Variants in C14orf132 observed in about 807,000 individuals in gnomAD.
The protein encoded by C14orf132 is chromosome 14 open reading frame 132.
Under a neutral mutation model 5.8 loss-of-function variants are expected in C14orf132, and 6 were observed. That is an observed-to-expected ratio of 1.03 (90% CI 0.57 to 2.04). C14orf132 has a LOEUF of 2.04. Among genes scored for constraint, C14orf132 ranks in the 30% most tolerant of loss-of-function variants. C14orf132 has a pLI of 0.00. For synonymous variants in C14orf132, 51 were observed against 49.8 expected (o/e 1.02, Z -0.10); for missense variants, 125 against 115.8 (o/e 1.08, Z -0.37).
Position 96,039,602 on chromosome 14 carries a change from C to A in C14orf132, c.27+75C>A. On this transcript the variant is annotated intron_variant, in intron 1 of 1. Transcript: ENST00000555004. This position sits in a 1 kb window ranked among gnomAD's most constrained non-coding sequence, Gnocchi z 5.3. ...TTCGGGGCCACGGTCTCGCCCTCCA[C>A]GCTGGGGCTGGGCAGTGGCGCCCGC... 1 of 1,409,274 alleles carries A rather than the reference C, an allele frequency of 7.1e-7. No individual in the cohort carries two copies. 87.3% of individuals were successfully genotyped at this position (1,409,274 alleles called of 1,614,324 possible).
chr14:96,040,162 C>A, intron 1 of C14orf132: 1 of 144,110 alleles, frequency 6.9e-6, no homozygotes, highest in South Asian at 2.4e-4. Context: ...AACAGGCTCC[C>A]AGTGGCCGGA....
chr14:96,076,788 T>C (rs1303174151), intron 1 of C14orf132, among the ~76,000 whole-genome samples: 5 of 152,240 alleles, frequency 3.3e-5, no homozygotes, highest in African/African-American at 4.8e-5. Flanking sequence ...ATTAGTACTA[T>C]AAATTTTTCT....
chr14:96,058,499 A>G (rs1340765782), intron 1 of C14orf132, among the ~76,000 whole-genome samples: 1 of 151,940 alleles, frequency 6.6e-6, no homozygotes, highest in Non-Finnish European at 1.5e-5. Context: ...ATCTTGAAAG[A>G]CTCCAATCCT....
intron 1 of C14orf132, among the ~76,000 whole-genome samples, chr14:96,062,245 G>A (rs1476030535): frequency 6.6e-6 from 1 of 152,082 alleles, no homozygotes; most frequent in African/African-American, 2.4e-5. Flanking sequence ...CTAGGGTGTT[G>A]AACCACAGGT....
At chr14:96,060,526 T>C (rs904727108) in intron 1 of C14orf132, among the ~76,000 whole-genome samples, 1 of 152,204 alleles carries the variant, frequency 6.6e-6, no homozygotes, top group Non-Finnish European at 1.5e-5. Context: ...GCAGATTTTT[T>C]ATCCTCTGCA....
At chr14:96,058,612 TG>T (rs1482457956) in intron 1 of C14orf132, among the ~76,000 whole-genome samples, 16 of 152,218 alleles carry the variant, frequency 1.1e-4, no homozygotes, top group Admixed American at 3.3e-4. Flanking sequence ...CACTCAGGCA[TG>T]TTGGGAAGAT....
chr14:96,068,102 C>T (rs1887586681), intron 1 of C14orf132, among the ~76,000 whole-genome samples: 1 of 152,162 alleles, frequency 6.6e-6, no homozygotes, highest in South Asian at 2.1e-4. Flanking sequence ...AGCATGGAAA[C>T]ATTAGTCAAG....
intron 1 of C14orf132, among the ~76,000 whole-genome samples, chr14:96,075,085 C>T (rs1380857481): frequency 6.6e-6 from 1 of 152,118 alleles, no homozygotes; most frequent in African/African-American, 2.4e-5. Context: ...ATCTTCTTTG[C>T]TATTTCATCA....
At chr14:96,059,301 G>A (rs947516995) in intron 1 of C14orf132, among the ~76,000 whole-genome samples, 1 of 152,106 alleles carries the variant, frequency 6.6e-6, no homozygotes, top group East Asian at 1.9e-4. Flanking sequence ...AAAACAAAAT[G>A]AAAAACCTGC....
intron 1 of C14orf132, among the ~76,000 whole-genome samples, chr14:96,069,511 T>A (rs998522646): frequency 2.0e-5 from 3 of 152,048 alleles, no homozygotes; most frequent in Non-Finnish European, 4.4e-5. Context: ...CACCTCCCTG[T>A]GAGGCACACC....
At chr14:96,071,201 T>G (rs1887697764) in intron 1 of C14orf132, among the ~76,000 whole-genome samples, 3 of 152,020 alleles carry the variant, frequency 2.0e-5, no homozygotes, top group Non-Finnish European at 4.4e-5. Context: ...GAAGGAGACG[T>G]GCTGAGCAAA....
intron 1 of C14orf132, among the ~76,000 whole-genome samples, chr14:96,086,225 G>T (rs2139685033): frequency 6.6e-6 from 1 of 152,284 alleles, no homozygotes; most frequent in Admixed American, 6.5e-5. Context: ...ATGGCTGGAG[G>T]GGTTGCTGTG....
At chr14:96,063,755 A>C (rs543074855) in intron 1 of C14orf132, among the ~76,000 whole-genome samples, 2 of 152,322 alleles carry the variant, frequency 1.3e-5, no homozygotes, top group East Asian at 3.9e-4. Flanking sequence ...TTTGCACGGC[A>C]AAAGGAACAG....
chr14:96,069,655 C>T (rs1337487410), intron 1 of C14orf132, among the ~76,000 whole-genome samples: 2 of 152,084 alleles, frequency 1.3e-5, no homozygotes, highest in Non-Finnish European at 1.5e-5. Flanking sequence ...TTCAAAGGCC[C>T]AGGACTCAGA....
In C14orf132 at chr14:96,085,054, C is replaced by G. The variant is rs151314863; in HGVS notation, c.28-1457C>G. On this transcript the variant is annotated intron_variant, in intron 1 of 1. Transcript: ENST00000555004. ...GCAGAGCCGGGAGTGCCTGGGCTCACAGTCAGACACTCGTGGCACTCAACC... is the reference window on the plus strand; with the variant it reads ...GCAGAGCCGGGAGTGCCTGGGCTCAGAGTCAGACACTCGTGGCACTCAACC... Among the ~76,000 whole-genome samples, 1,085 of 152,334 alleles carry G rather than the reference C, an allele frequency of 7.1e-3. 6 individuals are homozygous for G. The highest frequency in any genetic ancestry group is 0.011 in the Admixed American group (173 of 15,304).
chr14:96,041,706 T>C (rs1487862766), intron 1 of C14orf132, among the ~76,000 whole-genome samples: 2 of 152,266 alleles, frequency 1.3e-5, no homozygotes, highest in African/African-American at 4.8e-5. Flanking sequence ...ACTGTCTCTC[T>C]GTGCAGTCTT....
chr14:96,060,965 T>C lies in C14orf132; in HGVS notation c.27+21438T>C, dbSNP rs1461381163. Among the ~76,000 whole-genome samples the C allele has an allele frequency of 2.0e-5, 3 of 152,160 alleles. No individual in the cohort carries two copies. In the East Asian group the frequency reaches 5.8e-4, roughly 29 times the overall value. Reference sequence around the variant, plus strand: ...GGAAGGAAAACAGTAAGCTCATAATTCTCAAGTTTGAAAAAGTCCTTCCCA... The same window carrying C: ...GGAAGGAAAACAGTAAGCTCATAATCCTCAAGTTTGAAAAAGTCCTTCCCA... On this transcript the variant is annotated intron_variant, in intron 1 of 1. Coordinates refer to ENST00000555004, the MANE Select transcript of C14orf132 (RefSeq NM_001252507.3).
At chr14:96,052,506 T>C (rs918814891) in intron 1 of C14orf132, among the ~76,000 whole-genome samples, 1 of 152,254 alleles carries the variant, frequency 6.6e-6, no homozygotes, top group African/African-American at 2.4e-5. Flanking sequence ...ATGTCAGGAT[T>C]GCTGCTGCCC....
chr14:96,054,780 G>A (rs1468975088), intron 1 of C14orf132, among the ~76,000 whole-genome samples: 2 of 152,140 alleles, frequency 1.3e-5, no homozygotes, highest in African/African-American at 2.4e-5. Context: ...GTCTGTTAGT[G>A]TTCTTATAGA....
Sources: gnomAD v4.1 joint callset for allele counts (sites outside exome capture counted in the v4.1 genomes callset) on GRCh38, gnomAD v4.1.1 for gene constraint, Gnocchi (gnomAD v3.1) non-coding constraint, MANE v1.5 for transcripts, NCBI Gene and HGNC (gene_info 2026-07-23, HGNC 2026-07-21) for gene names.